NR3C2: variants seen among roughly 807,000 people sequenced by gnomAD.
NR3C2 encodes the protein nuclear receptor subfamily 3 group C member 2, also known as mineralocorticoid receptor.
Under a neutral mutation model 86.4 loss-of-function variants are expected in NR3C2, and 15 were observed. The ratio of observed to expected loss-of-function variants is 0.17; its 90% CI spans 0.12 to 0.27. The LOEUF (loss-of-function observed/expected upper bound fraction) is 0.27. Among genes scored for constraint, NR3C2 ranks in the 10% least tolerant of loss-of-function variants. The pLI, the probability that NR3C2 is intolerant of heterozygous loss-of-function variation, is 1.00. For synonymous variants in NR3C2, 458 were observed against 450.5 expected, an observed-to-expected ratio of 1.02 and a Z score of -0.21; for missense variants, 960 against 1,195.6, an observed-to-expected ratio of 0.80 and a Z score of 2.91.
At chr4:148,267,317 G>A (rs915505725) in intron 2 of NR3C2, among the ~76,000 whole-genome samples, 3 of 146,468 alleles carry the variant, frequency 2.0e-5, no homozygotes, top group African/African-American at 7.6e-5. Context: ...ACAAGGTCTT[G>A]CTCTGTTGCC....
At chr4:148,200,236 T>G (rs1281525078) in intron 3 of NR3C2, among the ~76,000 whole-genome samples, 4 of 152,182 alleles carry the variant, frequency 2.6e-5, no homozygotes, top group Non-Finnish European at 4.4e-5. Context: ...CCAGTGCCCC[T>G]TCCTCTCTTC....
At chr4:148,312,331 C>T (rs80194313) in intron 2 of NR3C2, among the ~76,000 whole-genome samples, 3,265 of 151,852 alleles carry the variant, frequency 0.022, 112 homozygotes, top group African/African-American at 0.075. Flanking sequence ...GGTAGAAATG[C>T]TATATATATA....
chr4:148,349,453 A>C (rs1324497391), intron 2 of NR3C2, among the ~76,000 whole-genome samples: 1 of 152,160 alleles, frequency 6.6e-6, no homozygotes, highest in Non-Finnish European at 1.5e-5. Flanking sequence ...GGTCAGTTAG[A>C]AAACAAACCT....
chr4:148,309,398 A>G (rs2149934100), intron 2 of NR3C2, among the ~76,000 whole-genome samples: 1 of 152,348 alleles, frequency 6.6e-6, no homozygotes, highest in Non-Finnish European at 1.5e-5. Flanking sequence ...ACACACATGC[A>G]CATGGATAAA....
intron 8 of NR3C2, 30 bp from the exon 9 acceptor site, chr4:148,081,529 G>A (rs187263316): frequency 6.1e-5 from 98 of 1,613,574 alleles, no homozygotes; most frequent in Middle Eastern, 1.7e-4. Context: ...GGCATGACAC[G>A]GGGGCCTCCT....
At chr4:148,441,554 A>AAAG (rs760065331) in intron 1 of NR3C2, among the ~76,000 whole-genome samples, 35 of 152,236 alleles carry the variant, frequency 2.3e-4, no homozygotes, top group Non-Finnish European at 4.6e-4. Context: ...TTGAGTAGGC[A>AAAG]AAGCCACGCA....
intron 3 of NR3C2, among the ~76,000 whole-genome samples, chr4:148,230,636 G>T (rs982317920): frequency 8.5e-5 from 13 of 152,094 alleles, no homozygotes; most frequent in Non-Finnish European, 1.6e-4. Context: ...AAAAATTATA[G>T]GCAAAGCACC....
chr4:148,238,029 C>A (rs1738830190), intron 3 of NR3C2, among the ~76,000 whole-genome samples: 1 of 152,126 alleles, frequency 6.6e-6, no homozygotes, highest in Non-Finnish European at 1.5e-5. Context: ...TCTGAGGACG[C>A]CATCAAATAT....
intron 2 of NR3C2, among the ~76,000 whole-genome samples, chr4:148,273,522 G>GT (rs751006376): frequency 5.9e-5 from 9 of 151,726 alleles, no homozygotes; most frequent in Non-Finnish European, 8.8e-5. Context: ...GGCATGTTGG[G>GT]TTTTTTTTCT....
intron 2 of NR3C2, among the ~76,000 whole-genome samples, chr4:148,389,238 G>A (rs1026245746): frequency 2.6e-5 from 4 of 152,000 alleles, no homozygotes; most frequent in Non-Finnish European, 5.9e-5. Context: ...TGCAGAAAAA[G>A]CAAGGCCCCA....
chr4:148,219,990 A>G (rs777991026), intron 3 of NR3C2, among the ~76,000 whole-genome samples: 1 of 152,162 alleles, frequency 6.6e-6, no homozygotes, highest in Non-Finnish European at 1.5e-5. Context: ...TGCTGCAAAC[A>G]TAGCTCACTG....
intron 3 of NR3C2, among the ~76,000 whole-genome samples, chr4:148,225,975 C>A (rs1295675926): frequency 6.6e-6 from 1 of 152,082 alleles, no homozygotes; most frequent in Non-Finnish European, 1.5e-5. Flanking sequence ...ATCTGTAATG[C>A]ATAATATATT....
intron 2 of NR3C2, among the ~76,000 whole-genome samples, chr4:148,318,019 T>TC (rs1217333486): frequency 2.9e-4 from 29 of 99,198 alleles, no homozygotes; most frequent in African/African-American, 1.0e-3. Flanking sequence ...ATGCTATCCC[T>TC]CCCCCCTCCC....
At chr4:148,321,303 T>A (rs370671457) in intron 2 of NR3C2, among the ~76,000 whole-genome samples, 40,104 of 145,904 alleles carry the variant, frequency 0.27, 6,359 homozygotes, top group East Asian at 0.52. Flanking sequence ...TCCAACTATG[T>A]GGTCAATTTT....
At chr4:148,189,419 T>A (rs557509084) in intron 4 of NR3C2, among the ~76,000 whole-genome samples, 2 of 152,344 alleles carry the variant, frequency 1.3e-5, no homozygotes, top group South Asian at 4.1e-4. Flanking sequence ...ATCTTTTCGA[T>A]ATGTTGTTGG....
intron 2 of NR3C2, among the ~76,000 whole-genome samples, chr4:148,396,515 A>T (rs1747867811): frequency 1.3e-5 from 2 of 152,240 alleles, no homozygotes; most frequent in African/African-American, 4.8e-5. Context: ...TTGCAAAAGC[A>T]ATAAATATTT....
At chr4:148,287,134 C>G (rs1741563883) in intron 2 of NR3C2, among the ~76,000 whole-genome samples, 1 of 152,230 alleles carries the variant, frequency 6.6e-6, no homozygotes, top group Non-Finnish European at 1.5e-5. Context: ...GAATTATTAG[C>G]TATGCATGGA....
At chr4:148,286,748 C>G (rs61760313) in intron 2 of NR3C2, among the ~76,000 whole-genome samples, 1,923 of 152,292 alleles carry the variant, frequency 0.013, 22 homozygotes, top group Non-Finnish European at 0.021. Context: ...TGATTGTACA[C>G]AGATTTCAAT....
chr4:148,130,758 A>G (rs560001408), intron 6 of NR3C2, among the ~76,000 whole-genome samples: 3 of 150,046 alleles, frequency 2.0e-5, no homozygotes, highest in African/African-American at 7.4e-5. Flanking sequence ...AGTCTCTGGA[A>G]TCTCAAGAGG....
Sources: gnomAD v4.1 joint callset for allele counts (sites outside exome capture counted in the v4.1 genomes callset) on GRCh38, gnomAD v4.1.1 for gene constraint, MANE v1.5 for transcripts, NCBI Gene and HGNC (gene_info 2026-07-23, HGNC 2026-07-21) for gene names.